Variants in YIPF7 observed in about 807,000 individuals in gnomAD.
The protein encoded by YIPF7 is Yip1 domain family member 7, also known as protein YIPF7.
A neutral mutation model predicts 27.2 loss-of-function variants in YIPF7; 35 were observed. That is an observed-to-expected ratio of 1.29 (90% CI 0.98 to 1.70). The LOEUF (loss-of-function observed/expected upper bound fraction) is 1.70, where lower values mean the gene tolerates loss of function less well. YIPF7 is among the 40% of genes most tolerant of loss of function. The probability of loss-of-function intolerance (pLI) is 0.00; values close to 1 mark genes in which losing one functional copy is unlikely to be tolerated. For missense variants in YIPF7, 358 were observed against 303.7 expected, an observed-to-expected ratio of 1.18 and a Z score of -1.33; for synonymous variants, 137 against 110.4, an observed-to-expected ratio of 1.24 and a Z score of -1.51.
intron 2 of YIPF7, among the ~76,000 whole-genome samples, chr4:44,649,572 G>T (rs1007438099): frequency 6.6e-6 from 1 of 151,666 alleles, no homozygotes; most frequent in Admixed American, 6.6e-5. Flanking sequence ...TGAGCTCCAG[G>T]CCAGTCTGGG....
intron 4 of YIPF7, among the ~76,000 whole-genome samples, chr4:44,625,396 G>C (rs1712600375): frequency 1.3e-5 from 2 of 152,144 alleles, no homozygotes; most frequent in Non-Finnish European, 2.9e-5. Context: ...AGGTATTTCA[G>C]CTCTAAAATT....
At chr4:44,624,930 G>T (rs1185166428) in intron 4 of YIPF7, 148 bp from the exon 5 acceptor site, 1 of 670,416 alleles carries the variant, frequency 1.5e-6, no homozygotes, top group Non-Finnish European at 2.4e-6. Flanking sequence ...GAAGTTCTGG[G>T]AAAAACATGG....
At position 44,629,431 on chromosome 4, in the gene YIPF7, C is replaced by CA. The variant is rs775056622; in HGVS notation, c.397dup (p.Cys133LeufsTer87). ...AAGCAAGGTGGCTCCCAGGGCTACG[C>CA]AAAAAAGAATGGGTCCAGTGAGGTC... On this transcript the variant is annotated frameshift_variant, in exon 4 of 6. Coordinates refer to ENST00000415895, the MANE Select transcript of YIPF7 (RefSeq NM_182592.3). LOFTEE classifies it high-confidence loss of function. 2.1e-5 allele frequency: 33 copies of CA among 1,597,598 alleles called. No homozygotes were observed. The East Asian group carries it at 7.0e-4, about 34-fold the overall frequency.
At chr4:44,646,362 A>T (rs2109597088) in intron 2 of YIPF7, among the ~76,000 whole-genome samples, 1 of 152,322 alleles carries the variant, frequency 6.6e-6, no homozygotes, top group South Asian at 2.1e-4. Flanking sequence ...AGCTGGGTAC[A>T]CAGTAATGCC....
At chr4:44,643,929 G>A (rs1467762798) in intron 2 of YIPF7, among the ~76,000 whole-genome samples, 1 of 152,096 alleles carries the variant, frequency 6.6e-6, no homozygotes, top group Non-Finnish European at 1.5e-5. Context: ...GAGCCCTCAT[G>A]GAACACCTCT....
chr4:44,624,845 A>G, intron 4 of YIPF7, 63 bp from the exon 5 acceptor site: 1 of 1,451,680 alleles, frequency 6.9e-7, no homozygotes, highest in Non-Finnish European at 9.3e-7. Context: ...AAATCTGAAT[A>G]TCATGAAGCA....
At chr4:44,655,585 T>A (rs760347881), upstream of YIPF7, among the ~76,000 whole-genome samples, 14 of 152,038 alleles carry the variant, frequency 9.2e-5, no homozygotes, top group Non-Finnish European at 1.5e-4. Context: ...TTTCTACCTC[T>A]GCTGACAGAG....
chr4:44,623,540 C>T (rs192144267), intron 5 of YIPF7, among the ~76,000 whole-genome samples: 114 of 152,296 alleles, frequency 7.5e-4, no homozygotes, highest in South Asian at 3.5e-3. Context: ...GAAATATCTG[C>T]TTCTAATAAT....
Position 44,636,070 on chromosome 4 carries a change from C to T in YIPF7, c.132G>A (p.Glu44=). The change falls in exon 3 of 6, where the codon GAG becomes GAA. Residue 44 remains glutamate (E), a synonymous_variant. Transcript: ENST00000415895. ...LYGSRKQQAG[E]QPQPASFVPS... is the part of the protein sequence containing the mutation. ...GAACAAAGGAGGCAGGCTGAGGCTG[C>T]TCACCAGCTTGTTGTCTAGAAAAAG... 1 of 1,609,606 alleles carries T rather than the reference C, an allele frequency of 6.2e-7. No individual in the cohort carries two copies. Among genetic ancestry groups the T allele is most frequent in the South Asian group, 1.1e-5 (1 of 90,456 alleles).
chr4:44,626,706 A>AT (rs895446280), intron 4 of YIPF7, among the ~76,000 whole-genome samples: 1 of 125,940 alleles, frequency 7.9e-6, no homozygotes, highest in African/African-American at 2.9e-5. Context: ...TAAATGTTCT[A>AT]TTTTTTTAAC....
upstream of YIPF7, among the ~76,000 whole-genome samples, chr4:44,655,897 T>C (rs1713890170): frequency 6.6e-6 from 1 of 151,976 alleles, no homozygotes; most frequent in African/African-American, 2.4e-5. Context: ...ACTGCATGAA[T>C]GAATTTTAAA....
chr4:44,643,200 C>A (rs1444103262), intron 2 of YIPF7, among the ~76,000 whole-genome samples: 1 of 152,114 alleles, frequency 6.6e-6, no homozygotes, highest in Non-Finnish European at 1.5e-5. Flanking sequence ...TTAGTGGGAA[C>A]TGGAGTAAAA....
chr4:44,655,970 C>T (rs1352791), upstream of YIPF7, among the ~76,000 whole-genome samples: 11,772 of 151,848 alleles, frequency 0.078, 536 homozygotes, highest in Admixed American at 0.13. Context: ...TTCATTAATA[C>T]TATCATAATT....
intron 2 of YIPF7, among the ~76,000 whole-genome samples, chr4:44,638,209 A>AT (rs34946710): frequency 1.7e-4 from 21 of 124,852 alleles, no homozygotes; most frequent in African/African-American, 4.9e-4. Flanking sequence ...GAGTTTCAGG[A>AT]TTTTTTTTTT....
At chr4:44,627,931 A>G (rs570797927) in intron 4 of YIPF7, among the ~76,000 whole-genome samples, 76 of 152,184 alleles carry the variant, frequency 5.0e-4, no homozygotes, top group Non-Finnish European at 8.1e-4. Flanking sequence ...TCCAACTAAC[A>G]TTATGCATCC....
chr4:44,648,090 A>C (rs1240226498), intron 2 of YIPF7, among the ~76,000 whole-genome samples: 3 of 152,154 alleles, frequency 2.0e-5, no homozygotes, highest in Non-Finnish European at 2.9e-5. Flanking sequence ...CCTTGAGCTA[A>C]AATCCTAACC....
At chr4:44,635,448 G>A (rs1470987587) in intron 3 of YIPF7, among the ~76,000 whole-genome samples, 1 of 151,782 alleles carries the variant, frequency 6.6e-6, no homozygotes, top group Non-Finnish European at 1.5e-5. Context: ...GTATGAGTCA[G>A]GAAAGAAAAA....
intron 4 of YIPF7, 95 bp downstream of exon 4, chr4:44,629,308 G>C: frequency 7.7e-7 from 1 of 1,297,016 alleles, no homozygotes; most frequent in Non-Finnish European, 9.9e-7. Flanking sequence ...CACTATGTAA[G>C]GTGACACAGT....
intron 2 of YIPF7, among the ~76,000 whole-genome samples, chr4:44,636,915 C>T (rs1207797201): frequency 6.6e-6 from 1 of 152,154 alleles, no homozygotes. Context: ...ACCCCCTCAC[C>T]CTTCCAAGTA....
Sources: allele counts gnomAD v4.1 joint callset (sites outside exome capture counted in the v4.1 genomes callset), GRCh38; gene constraint gnomAD v4.1.1; transcripts MANE v1.5; gene names NCBI Gene and HGNC (gene_info 2026-07-23, HGNC 2026-07-21).